CNTLN: variants seen among roughly 807,000 people sequenced by gnomAD.
CNTLN encodes the protein centlein, also known as centlein, centrosomal protein.
Under a neutral mutation model 180.0 loss-of-function variants are expected in CNTLN, and 212 were observed. The ratio of observed to expected loss-of-function variants is 1.18; its 90% CI spans 1.05 to 1.32. The LOEUF is 1.32. CNTLN is among the 40% of genes most tolerant of loss of function. The pLI, the probability that CNTLN is intolerant of heterozygous loss-of-function variation, is 0.00. For synonymous variants in CNTLN, 722 were observed against 563.1 expected (o/e 1.28, Z -3.99); for missense variants, 2,095 against 1,610.9 (o/e 1.30, Z -5.14).
chr9:17,234,050 T>TA (rs1045067099), intron 3 of CNTLN, among the ~76,000 whole-genome samples: 8 of 152,166 alleles, frequency 5.3e-5, no homozygotes, highest in Non-Finnish European at 1.2e-4. Flanking sequence ...CTTATTTTTT[T>TA]AAAAAATTAT....
chr9:17,355,552 T>A (rs926380851), intron 12 of CNTLN, among the ~76,000 whole-genome samples: 6 of 152,220 alleles, frequency 3.9e-5, no homozygotes, highest in African/African-American at 1.4e-4. Flanking sequence ...TCTGTAGTTG[T>A]TTAATAGTTT....
At chr9:17,239,680 T>C (rs1563912150) in intron 5 of CNTLN, among the ~76,000 whole-genome samples, 1 of 152,214 alleles carries the variant, frequency 6.6e-6, no homozygotes, top group Non-Finnish European at 1.5e-5. Flanking sequence ...GTCATGCTTT[T>C]GTATGTGTTA....
chr9:17,319,834 C>T (rs375660707), intron 8 of CNTLN, among the ~76,000 whole-genome samples: 9 of 151,880 alleles, frequency 5.9e-5, no homozygotes, highest in African/African-American at 2.2e-4. Context: ...TTTCCTTTCT[C>T]CTATCTCAAC....
At position 17,328,205 on chromosome 9, in the gene CNTLN, A is replaced by C. The variant is rs1190310395; in HGVS notation, c.1342-2427A>C. Among the ~76,000 whole-genome samples the C allele has an allele frequency of 2.0e-5, 3 of 152,176 alleles. No individual in the cohort carries two copies. In the East Asian group the frequency reaches 5.8e-4, roughly 29 times the overall value. ...CATTTTAGCCTTCAGCATAATTAGA[A>C]GTAAATTAAAGGTTTGGTACATTTT... On this transcript the variant is annotated intron_variant, in intron 8 of 25. Coordinates refer to ENST00000380647, the MANE Select transcript of CNTLN (RefSeq NM_017738.4).
intron 12 of CNTLN, among the ~76,000 whole-genome samples, chr9:17,347,373 A>G (rs1018554779): frequency 3.9e-5 from 6 of 152,190 alleles, no homozygotes; most frequent in African/African-American, 1.4e-4. Flanking sequence ...AAAATATCGT[A>G]GGTCAAAAAT....
intron 12 of CNTLN, among the ~76,000 whole-genome samples, chr9:17,358,302 A>G (rs190209291): frequency 6.6e-6 from 1 of 152,226 alleles, no homozygotes; most frequent in East Asian, 1.9e-4. Context: ...CATAAACTAG[A>G]TCTAAACTTA....
At chr9:17,274,436 C>A (rs533052891) in intron 6 of CNTLN, among the ~76,000 whole-genome samples, 1 of 150,614 alleles carries the variant, frequency 6.6e-6, no homozygotes, top group Non-Finnish European at 1.5e-5. Context: ...CAGAACTTTT[C>A]CTTGGTTCAT....
intron 2 of CNTLN, among the ~76,000 whole-genome samples, chr9:17,157,888 C>G (rs961319565): frequency 2.6e-5 from 4 of 152,098 alleles, no homozygotes; most frequent in African/African-American, 9.7e-5. Flanking sequence ...GATAGTGACA[C>G]CTTTGCTTTC....
intron 2 of CNTLN, among the ~76,000 whole-genome samples, chr9:17,164,755 C>CTTATTTTTA (rs1434321230): frequency 6.6e-6 from 1 of 151,050 alleles, no homozygotes; most frequent in Non-Finnish European, 1.5e-5. Context: ...CCAAGAACTC[C>CTTATTTTTA]TTATTTTTAT....
rs550895581 is a variant in CNTLN at position 17,318,195 on chromosome 9, T to C, written c.1341+8943T>C. Among the ~76,000 whole-genome samples the C allele has an allele frequency of 5.9e-5, 9 of 151,416 alleles. No individual in the cohort carries two copies. The East Asian group carries it at 1.6e-3, about 26-fold the overall frequency. On this transcript the variant is annotated intron_variant, in intron 8 of 25. Transcript: ENST00000380647. Reference sequence around the variant, plus strand: ...GGCGCCCACCACCACGCCCGGCTAATTTTTTTTGTATTTTTAGTAGAGATG... The same window carrying C: ...GGCGCCCACCACCACGCCCGGCTAACTTTTTTTGTATTTTTAGTAGAGATG...
intron 5 of CNTLN, among the ~76,000 whole-genome samples, chr9:17,266,558 T>C (rs1404828248): frequency 6.6e-6 from 1 of 152,178 alleles, no homozygotes; most frequent in East Asian, 1.9e-4. Flanking sequence ...TTAAGTCTGC[T>C]TGGTGCAGAG....
chr9:17,273,560 A>G (rs778516242), intron 5 of CNTLN, among the ~76,000 whole-genome samples, 173 bp from the exon 6 acceptor site: 1 of 152,168 alleles, frequency 6.6e-6, no homozygotes, highest in Non-Finnish European at 1.5e-5. Flanking sequence ...TTTTGAAAGA[A>G]AAAATCTGTG....
chr9:17,526,366 A>G, the CNTLN span, among the ~76,000 whole-genome samples: 5 of 152,258 alleles, frequency 3.3e-5, no homozygotes, highest in African/African-American at 9.6e-5. Context: ...GTAAATTACT[A>G]TAAGAGACTT....
At chr9:17,519,477 A>G in the CNTLN span, among the ~76,000 whole-genome samples, 28 of 152,184 alleles carry the variant, frequency 1.8e-4, no homozygotes, top group African/African-American at 6.8e-4. Context: ...ACTGTATATT[A>G]AATTCTGAAA....
chr9:17,165,889 G>T (rs1586977516), intron 2 of CNTLN, among the ~76,000 whole-genome samples: 1 of 152,160 alleles, frequency 6.6e-6, no homozygotes, highest in East Asian at 1.9e-4. Context: ...ACACTGACAG[G>T]TCCTAACAAA....
chr9:17,423,765 C>T (rs1271427949), intron 18 of CNTLN, among the ~76,000 whole-genome samples: 1 of 152,158 alleles, frequency 6.6e-6, no homozygotes, highest in East Asian at 1.9e-4. Context: ...TTTAAATGCA[C>T]CTTCTCTGGG....
intron 5 of CNTLN, among the ~76,000 whole-genome samples, chr9:17,243,890 A>C (rs935219465): frequency 6.6e-6 from 1 of 152,156 alleles, no homozygotes; most frequent in African/African-American, 2.4e-5. Flanking sequence ...TACCTATCCA[A>C]TGCTGAAGGT....
chr9:17,476,162 T>G (rs1008642019), intron 23 of CNTLN, among the ~76,000 whole-genome samples: 6 of 152,176 alleles, frequency 3.9e-5, no homozygotes, highest in African/African-American at 1.4e-4. Flanking sequence ...TTGATGTTAT[T>G]ATTTTAATTG....
intron 12 of CNTLN, among the ~76,000 whole-genome samples, chr9:17,346,972 C>T (rs1168358177): frequency 1.3e-5 from 2 of 152,148 alleles, no homozygotes; most frequent in African/African-American, 4.8e-5. Context: ...GTCGTGTCTT[C>T]AAGTTTACTG....
Sources: gnomAD v4.1 joint callset for allele counts (sites outside exome capture counted in the v4.1 genomes callset) on GRCh38, gnomAD v4.1.1 for gene constraint, MANE v1.5 for transcripts, NCBI Gene and HGNC (gene_info 2026-07-23, HGNC 2026-07-21) for gene names.